The following SPTLC2 variants were observed in gnomAD, a reference collection of about 807,000 sequenced individuals.
SPTLC2 encodes the protein serine palmitoyltransferase 2.
SPTLC2 carries 21 observed loss-of-function variants against 62.0 expected under a neutral mutation model. That is an observed-to-expected ratio of 0.34 (90% CI 0.24 to 0.49). SPTLC2 has a LOEUF of 0.49. Among genes scored for constraint, SPTLC2 ranks in the 20% least tolerant of loss-of-function variants. The probability of loss-of-function intolerance (pLI) is 0.99; values close to 1 mark genes in which losing one functional copy is unlikely to be tolerated. For missense variants in SPTLC2, 511 were observed against 713.0 expected, an observed-to-expected ratio of 0.72 and a Z score of 3.23; for synonymous variants, 261 against 261.8, an observed-to-expected ratio of 1.00 and a Z score of 0.03.
chr14:77,573,546 T>TA (rs2079696294), intron 4 of SPTLC2, among the ~76,000 whole-genome samples: 1 of 152,016 alleles, frequency 6.6e-6, no homozygotes, highest in Non-Finnish European at 1.5e-5. Context: ...ATGAGGCCAT[T>TA]AGGGGGATGC....
intron 9 of SPTLC2, among the ~76,000 whole-genome samples, chr14:77,527,247 C>T (rs10131773): frequency 0.4 from 60,725 of 151,736 alleles, 12,667 homozygotes; most frequent in Non-Finnish European, 0.46. Context: ...CAGGCAAGTG[C>T]CACCATGCCT....
intron 9 of SPTLC2, among the ~76,000 whole-genome samples, chr14:77,551,682 GA>G (rs2079556433): frequency 6.6e-6 from 1 of 152,152 alleles, no homozygotes. Context: ...TACCGTATAT[GA>G]AAGTAGAAAC....
intron 1 of SPTLC2, among the ~76,000 whole-genome samples, chr14:77,612,583 GAT>G (rs1353592747): frequency 6.6e-6 from 1 of 152,158 alleles, no homozygotes; most frequent in Admixed American, 6.5e-5. Flanking sequence ...AATCTAAATA[GAT>G]ATATGACTAT....
At chr14:77,577,042 C>G in intron 3 of SPTLC2, 127 bp from the exon 4 acceptor site, 1 of 976,884 alleles carries the variant, frequency 1.0e-6, no homozygotes, top group Admixed American at 2.0e-5. Context: ...ATCTCAAACA[C>G]ACTACCAATT....
chr14:77,550,579 A>C (rs1427048107), intron 9 of SPTLC2, among the ~76,000 whole-genome samples: 2 of 150,936 alleles, frequency 1.3e-5, no homozygotes, highest in Non-Finnish European at 2.9e-5. Context: ...CCATCTCAAA[A>C]GAAAGAAAAG....
intron 2 of SPTLC2, among the ~76,000 whole-genome samples, chr14:77,583,242 A>AAATAAAT (rs1566787294): frequency 5.8e-5 from 6 of 103,990 alleles, no homozygotes; most frequent in East Asian, 8.7e-4. Flanking sequence ...AATAAATAAA[A>AAATAAAT]ATAATAATTT....
chr14:77,614,928 G>A (rs1398239371), intron 1 of SPTLC2, among the ~76,000 whole-genome samples: 10 of 150,048 alleles, frequency 6.7e-5, no homozygotes, highest in South Asian at 6.3e-4. Flanking sequence ...CCGAGATCGC[G>A]CCATTGCACT....
At chr14:77,612,825 T>A (rs2079945147) in intron 1 of SPTLC2, among the ~76,000 whole-genome samples, 1 of 152,196 alleles carries the variant, frequency 6.6e-6, no homozygotes, top group South Asian at 2.1e-4. Flanking sequence ...TTGCCCCAAT[T>A]CCTTGAGATA....
chr14:77,526,173 T>C (rs1309192412), intron 9 of SPTLC2, among the ~76,000 whole-genome samples: 2 of 152,152 alleles, frequency 1.3e-5, no homozygotes, highest in African/African-American at 4.8e-5. Context: ...ACAGACAACA[T>C]AGTTACCCAC....
At chr14:77,604,007 C>T (rs1384921118) in intron 1 of SPTLC2, among the ~76,000 whole-genome samples, 1 of 152,218 alleles carries the variant, frequency 6.6e-6, no homozygotes, top group Admixed American at 6.5e-5. Flanking sequence ...CCACTCTGCC[C>T]CCACCACGTG....
At chr14:77,529,620 C>CTTTTTTTTTTTTT (rs71452856) in intron 9 of SPTLC2, among the ~76,000 whole-genome samples, 2 of 76,058 alleles carry the variant, frequency 2.6e-5, no homozygotes, top group Admixed American at 1.6e-4. Flanking sequence ...TTCTTTCTTT[C>CTTTTTTTTTTTTT]TTTTTTTTTT....
At chr14:77,515,662 G>A (rs1012816374) in intron 11 of SPTLC2, among the ~76,000 whole-genome samples, 1 of 148,152 alleles carries the variant, frequency 6.7e-6, no homozygotes, top group African/African-American at 2.5e-5. Context: ...TGGTTCTTCC[G>A]CCTCAGTCTC....
At position 77,586,386 on chromosome 14, in the gene SPTLC2, T is replaced by A. The variant is rs532519398; in HGVS notation, c.328-7277A>T. ...CCATCACACCCAGCCAAAAAATAAT[T>A]TTTTTAAAGGTAAATATAGACTTTC... On this transcript the variant is annotated intron_variant, in intron 2 of 11. Transcript: ENST00000216484. Among the ~76,000 whole-genome samples, 3 of 152,258 alleles carry A rather than the reference T, an allele frequency of 2.0e-5. No individual in the cohort carries two copies. The South Asian group carries it at 6.2e-4, about 32-fold the overall frequency.
At chr14:77,570,856 T>C (rs55697089) in intron 4 of SPTLC2, among the ~76,000 whole-genome samples, 11,917 of 151,066 alleles carry the variant, frequency 0.079, 602 homozygotes, top group Admixed American at 0.15. Context: ...TCAGCTGCTA[T>C]GTAAAACAAT....
chr14:77,523,304 G>A (rs1478926785), intron 9 of SPTLC2, among the ~76,000 whole-genome samples: 2 of 152,218 alleles, frequency 1.3e-5, no homozygotes, highest in Non-Finnish European at 2.9e-5. Context: ...ATTGAACCAC[G>A]GGGAATGCCA....
At chr14:77,520,842 TG>T (rs1392296094) in intron 10 of SPTLC2, among the ~76,000 whole-genome samples, 2 of 152,226 alleles carry the variant, frequency 1.3e-5, no homozygotes, top group Non-Finnish European at 2.9e-5. Flanking sequence ...CTGCTCGCCC[TG>T]GGGCACGGTG....
intron 9 of SPTLC2, among the ~76,000 whole-genome samples, chr14:77,538,768 G>C (rs28714070): frequency 6.6e-6 from 1 of 151,688 alleles, no homozygotes; most frequent in African/African-American, 2.4e-5. Context: ...ATGGGGTTTC[G>C]CCATGTTGCT....
intron 9 of SPTLC2, among the ~76,000 whole-genome samples, chr14:77,542,611 G>A (rs552387095): frequency 5.8e-4 from 88 of 152,244 alleles, no homozygotes; most frequent in Non-Finnish European, 9.1e-4. Context: ...GTGCTCAGCC[G>A]GGGCCACTGT....
intron 1 of SPTLC2, among the ~76,000 whole-genome samples, chr14:77,610,992 CAAA>C (rs61504970): frequency 0.25 from 26,715 of 106,504 alleles, 2,443 homozygotes; most frequent in East Asian, 0.34. Flanking sequence ...CCCATCTCTA[CAAA>C]AAAAAAAAAA....
Sources: gnomAD v4.1 joint callset for allele counts (sites outside exome capture counted in the v4.1 genomes callset) on GRCh38, gnomAD v4.1.1 for gene constraint, MANE v1.5 for transcripts, NCBI Gene and HGNC (gene_info 2026-07-23, HGNC 2026-07-21) for gene names.